Variants in ENTREP2 observed in about 807,000 individuals in gnomAD.
The protein encoded by ENTREP2 is protein ENTREP2.
At chr15:29,393,852 T>C in the ENTREP2 span, among the ~76,000 whole-genome samples, 27 of 152,202 alleles carry the variant, frequency 1.8e-4, no homozygotes, top group Non-Finnish European at 2.8e-4. Context: ...ATTTATTTAC[T>C]CTTTTAGCCC....
chr15:29,467,110 C>T, the ENTREP2 span, among the ~76,000 whole-genome samples: 686 of 151,812 alleles, frequency 4.5e-3, 6 homozygotes, highest in African/African-American at 0.016. Context: ...GATGCTGCAG[C>T]CCCCAAGTAA....
chr15:29,511,775 G>A, the ENTREP2 span, among the ~76,000 whole-genome samples: 15 of 148,430 alleles, frequency 1.0e-4, no homozygotes, highest in African/African-American at 3.8e-4. Flanking sequence ...TGCTCCCACA[G>A]CTTAGTACCT....
the ENTREP2 span, among the ~76,000 whole-genome samples, chr15:29,134,469 C>T: frequency 1.3e-5 from 2 of 152,176 alleles, no homozygotes; most frequent in Non-Finnish European, 2.9e-5. Context: ...TGAGGATGTG[C>T]TGGGGGCTCA....
the ENTREP2 span, among the ~76,000 whole-genome samples, chr15:29,340,112 TAAG>T: frequency 6.6e-6 from 1 of 152,286 alleles, no homozygotes; most frequent in Admixed American, 6.5e-5. Context: ...AAAACTGACT[TAAG>T]GAGTCTGTCA....
the ENTREP2 span, among the ~76,000 whole-genome samples, chr15:29,212,888 T>C: frequency 6.6e-6 from 1 of 152,242 alleles, no homozygotes; most frequent in African/African-American, 2.4e-5. Context: ...TGAATAGTAT[T>C]GTCTAGGTTT....
the ENTREP2 span, chr15:29,269,039 T>C: frequency 1.2e-6 from 2 of 1,614,110 alleles, no homozygotes; most frequent in East Asian, 4.5e-5. Context: ...TCCTCAGTAA[T>C]GAGTTTCTTT....
the ENTREP2 span, among the ~76,000 whole-genome samples, chr15:29,368,272 G>C: frequency 6.6e-6 from 1 of 151,512 alleles, no homozygotes; most frequent in Non-Finnish European, 1.5e-5. Flanking sequence ...AGGCTGCAGT[G>C]AGCTGAGATC....
the ENTREP2 span, among the ~76,000 whole-genome samples, chr15:29,638,507 T>A: frequency 6.6e-6 from 1 of 152,214 alleles, no homozygotes; most frequent in South Asian, 2.1e-4. Flanking sequence ...TGAAGCTTAT[T>A]CAGTCACATT....
At chr15:29,238,109 A>G in the ENTREP2 span, among the ~76,000 whole-genome samples, 1 of 152,206 alleles carries the variant, frequency 6.6e-6, no homozygotes, top group African/African-American at 2.4e-5. Context: ...AAAAGACTAC[A>G]TATTATGTGA....
At chr15:29,363,053 T>C in the ENTREP2 span, among the ~76,000 whole-genome samples, 1 of 152,210 alleles carries the variant, frequency 6.6e-6, no homozygotes, top group Non-Finnish European at 1.5e-5. Flanking sequence ...AGCAAAATTC[T>C]GCATTGTTTT....
At chr15:29,644,944 C>T in the ENTREP2 span, among the ~76,000 whole-genome samples, 5 of 152,108 alleles carry the variant, frequency 3.3e-5, no homozygotes, top group South Asian at 6.2e-4. Flanking sequence ...CATGGTAGCT[C>T]ATGCTTGTAA....
the ENTREP2 span, among the ~76,000 whole-genome samples, chr15:29,456,124 T>C: frequency 6.8e-6 from 1 of 147,282 alleles, no homozygotes; most frequent in East Asian, 2.0e-4. Context: ...CATGGAAAAA[T>C]TGTCTTCCAT....
At chr15:29,266,144 C>T in the ENTREP2 span, 2 of 152,142 alleles carry the variant, frequency 1.3e-5, no homozygotes, top group African/African-American at 2.4e-5. Context: ...AGGTCTAAGA[C>T]ATGAAATCTG....
At chr15:29,381,187 T>C in the ENTREP2 span, among the ~76,000 whole-genome samples, 9 of 144,064 alleles carry the variant, frequency 6.2e-5, no homozygotes, top group African/African-American at 2.2e-4. Context: ...CCAGGCGCAG[T>C]GGCTCATGCC....
At chr15:29,328,722 T>C in the ENTREP2 span, among the ~76,000 whole-genome samples, 1 of 152,202 alleles carries the variant, frequency 6.6e-6, no homozygotes, top group Non-Finnish European at 1.5e-5. Context: ...AGAACCAGGT[T>C]TCTCACTGCT....
chr15:29,348,519 G>C, the ENTREP2 span, among the ~76,000 whole-genome samples: 2 of 152,190 alleles, frequency 1.3e-5, no homozygotes, highest in Admixed American at 6.5e-5. Context: ...GAGTGGGAGG[G>C]GTGGTTGCAG....
At chr15:29,137,823 G>A in the ENTREP2 span, among the ~76,000 whole-genome samples, 9 of 152,150 alleles carry the variant, frequency 5.9e-5, no homozygotes, top group Admixed American at 1.3e-4. Flanking sequence ...GCAACAGACT[G>A]GAGTGTTTTT....
chr15:29,411,596 T>C, the ENTREP2 span, among the ~76,000 whole-genome samples: 2 of 152,260 alleles, frequency 1.3e-5, no homozygotes, highest in Non-Finnish European at 2.9e-5. Flanking sequence ...GTTATGTGTA[T>C]TGCAAGCATC....
chr15:29,523,772 C>T, the ENTREP2 span, among the ~76,000 whole-genome samples: 2 of 151,770 alleles, frequency 1.3e-5, no homozygotes, highest in Non-Finnish European at 2.9e-5. Context: ...AGTGTCAAGT[C>T]AGTATAATGC....
Sources: allele counts gnomAD v4.1 joint callset (sites outside exome capture counted in the v4.1 genomes callset), GRCh38; gene constraint gnomAD v4.1.1; transcripts MANE v1.5; gene names NCBI Gene and HGNC (gene_info 2026-07-23, HGNC 2026-07-21).